The following CLSTN1 variants were observed in gnomAD, a reference collection of about 807,000 sequenced individuals.
CLSTN1 encodes the protein calsyntenin 1, also known as calsyntenin-1.
Under a neutral mutation model 108.3 loss-of-function variants are expected in CLSTN1, and 28 were observed. The ratio of observed to expected loss-of-function variants is 0.26; its 90% CI spans 0.19 to 0.35. The LOEUF (loss-of-function observed/expected upper bound fraction) is 0.35. CLSTN1 is among the 10% of genes least tolerant of loss of function. The probability of loss-of-function intolerance (pLI) is 1.00; values close to 1 mark genes in which losing one functional copy is unlikely to be tolerated. For missense variants in CLSTN1, 1,157 were observed against 1,302.6 expected, an observed-to-expected ratio of 0.89 and a Z score of 1.72; for synonymous variants, 524 against 534.9, an observed-to-expected ratio of 0.98 and a Z score of 0.28.
intron 1 of CLSTN1, among the ~76,000 whole-genome samples, chr1:9,774,025 A>G (rs1652820645): frequency 6.6e-6 from 1 of 151,974 alleles, no homozygotes; most frequent in African/African-American, 2.4e-5. Flanking sequence ...TACAGGCGTG[A>G]GCCACGGCAC....
intron 2 of CLSTN1, among the ~76,000 whole-genome samples, chr1:9,763,118 C>T (rs1476466788): frequency 7.2e-5 from 11 of 152,010 alleles, no homozygotes; most frequent in African/African-American, 2.4e-4. Context: ...CACACCACCA[C>T]GCCTGGCTAA....
chr1:9,764,937 T>A lies in CLSTN1; in HGVS notation c.214+8335A>T, dbSNP rs978621314. Among the ~76,000 whole-genome samples the A allele has an allele frequency of 7.9e-5, 12 of 152,258 alleles. No individual in the cohort carries two copies. In the East Asian group the frequency reaches 1.7e-3, roughly 22 times the overall value. On this transcript the variant is annotated intron_variant, in intron 2 of 18. Transcript: ENST00000377298. ...AAACTCTTCCTGGGTGGTGTCTACA[T>A]CCAAAATGGGTCCATTCAAGTCAAT...
Position 9,736,134 on chromosome 1 carries a change from A to G in CLSTN1, c.1577-92T>C, listed in dbSNP as rs955241624. On this transcript the variant is annotated intron_variant, in intron 11 of 18. Coordinates refer to ENST00000377298, the MANE Select transcript of CLSTN1 (RefSeq NM_001009566.3). ...TCAACACGGTGTTACCGGTGCTGGC[A>G]GCTCAGTGGATGGACATGCGGGTTA... is the stretch of plus-strand genomic sequence containing the variant. The G allele has an allele frequency of 2.0e-6, 3 of 1,491,028 alleles. No individual in the cohort carries two copies. The African/African-American group carries it at 4.1e-5, about 20-fold the overall frequency. The allele number at this position is 1,491,028 out of a possible 1,614,324, so 92.4% of individuals were successfully genotyped here. A position where few individuals can be genotyped will look rare whatever the true frequency, so the allele number is the denominator to read the frequency against.
chr1:9,759,956 T>C (rs776830893), intron 2 of CLSTN1, among the ~76,000 whole-genome samples: 4 of 152,220 alleles, frequency 2.6e-5, no homozygotes, highest in Admixed American at 6.5e-5. Flanking sequence ...TGACTTGAGT[T>C]TACTGTGGAA....
intron 5 of CLSTN1, 68 bp downstream of exon 5, chr1:9,751,405 G>A: frequency 6.9e-7 from 1 of 1,449,870 alleles, no homozygotes; most frequent in Non-Finnish European, 9.6e-7. Context: ...ACAGAAGCTG[G>A]GGTGTAAAGT....
At chr1:9,811,037 C>G (rs1051239725) in intron 1 of CLSTN1, among the ~76,000 whole-genome samples, 1 of 152,154 alleles carries the variant, frequency 6.6e-6, no homozygotes, top group Non-Finnish European at 1.5e-5. Context: ...AAGCCCAAAC[C>G]TTCTAAGAAC....
chr1:9,758,891 C>A (rs367771655), intron 2 of CLSTN1, among the ~76,000 whole-genome samples: 2 of 152,162 alleles, frequency 1.3e-5, no homozygotes, highest in Non-Finnish European at 2.9e-5. Flanking sequence ...TGCTGCTGCA[C>A]GTCTACAAGA....
At chr1:9,755,997 T>G (rs950782842) in intron 3 of CLSTN1, among the ~76,000 whole-genome samples, 1 of 152,210 alleles carries the variant, frequency 6.6e-6, no homozygotes, top group African/African-American at 2.4e-5. Context: ...TGTTTCGGAC[T>G]TTATCCTATC....
chr1:9,774,875 G>A (rs970390895), intron 1 of CLSTN1, among the ~76,000 whole-genome samples: 2 of 152,156 alleles, frequency 1.3e-5, no homozygotes, highest in African/African-American at 4.8e-5. Flanking sequence ...TAAACGAAGG[G>A]TGGATTATTC....
At position 9,751,457 on chromosome 1, in the gene CLSTN1, G is replaced by T. The variant is rs1570452153; in HGVS notation, c.649+16C>A. On this transcript the variant is annotated intron_variant, in intron 5 of 18. Coordinates refer to ENST00000377298, the MANE Select transcript of CLSTN1 (RefSeq NM_001009566.3). Reference sequence around the variant, plus strand: ...GACTGTCTACCTAGCTGAAAAGCCGGCTCCTCGATTCTTACCATCTTTGTC... The same window carrying T: ...GACTGTCTACCTAGCTGAAAAGCCGTCTCCTCGATTCTTACCATCTTTGTC... 2.5e-6 allele frequency: 4 copies of T among 1,613,232 alleles called. No homozygotes were observed. Among genetic ancestry groups the T allele is most frequent in the Non-Finnish European group, 3.4e-6 (4 of 1,179,270 alleles).
chr1:9,771,064 C>A (rs80151220), intron 2 of CLSTN1, among the ~76,000 whole-genome samples: 1 of 152,126 alleles, frequency 6.6e-6, no homozygotes, highest in Admixed American at 6.6e-5. Context: ...TCACACTGCA[C>A]GAACAACAGG....
At chr1:9,733,837 C>T in intron 15 of CLSTN1, 135 bp downstream of exon 15, 1 of 919,956 alleles carries the variant, frequency 1.1e-6, no homozygotes, top group Non-Finnish European at 1.6e-6. Context: ...ACAATGATCC[C>T]AGCGAACGTG....
At chr1:9,781,713 G>A (rs1653259857) in intron 1 of CLSTN1, among the ~76,000 whole-genome samples, 1 of 152,132 alleles carries the variant, frequency 6.6e-6, no homozygotes, top group Non-Finnish European at 1.5e-5. Context: ...AAAGTGCTGG[G>A]ACTACAGGAG....
intron 3 of CLSTN1, among the ~76,000 whole-genome samples, chr1:9,756,174 C>T (rs1456414542): frequency 6.6e-6 from 1 of 152,176 alleles, no homozygotes. Context: ...GAAAATAAGA[C>T]TGCACTCCTT....
chr1:9,806,187 G>A (rs1654497904), intron 1 of CLSTN1, among the ~76,000 whole-genome samples: 1 of 151,714 alleles, frequency 6.6e-6, no homozygotes, highest in African/African-American at 2.4e-5. Flanking sequence ...CTACTCCAGA[G>A]GCTGAGGCAG....
intron 1 of CLSTN1, among the ~76,000 whole-genome samples, chr1:9,800,666 CTTG>C (rs1470379313): frequency 2.0e-5 from 3 of 149,894 alleles, no homozygotes; most frequent in Non-Finnish European, 4.4e-5. Flanking sequence ...GGAAGCGGAC[CTTG>C]CAGTGAGCCA....
At chr1:9,765,616 C>T (rs780435190) in intron 2 of CLSTN1, among the ~76,000 whole-genome samples, 20 of 151,818 alleles carry the variant, frequency 1.3e-4, no homozygotes, top group Non-Finnish European at 2.8e-4. Flanking sequence ...CGCCGTTGCT[C>T]CACCTGTAAT....
At chr1:9,770,704 G>A (rs1652633888) in intron 2 of CLSTN1, among the ~76,000 whole-genome samples, 1 of 152,236 alleles carries the variant, frequency 6.6e-6, no homozygotes, top group Non-Finnish European at 1.5e-5. Flanking sequence ...ATAAGTGCAT[G>A]CATTATTGGC....
At chr1:9,760,684 GTTTTT>G (rs762619559) in intron 2 of CLSTN1, among the ~76,000 whole-genome samples, 3 of 102,430 alleles carry the variant, frequency 2.9e-5, no homozygotes, top group Non-Finnish European at 3.8e-5. Context: ...CCATTCCCGG[GTTTTT>G]TTTTTTTTTT....
Sources: gnomAD v4.1 joint callset for allele counts (sites outside exome capture counted in the v4.1 genomes callset) on GRCh38, gnomAD v4.1.1 for gene constraint, MANE v1.5 for transcripts, NCBI Gene and HGNC (gene_info 2026-07-23, HGNC 2026-07-21) for gene names.